SYNE1: variants seen among roughly 807,000 people sequenced by gnomAD.
The protein encoded by SYNE1 is spectrin repeat containing nuclear envelope protein 1.
Under a neutral mutation model 1,111.0 loss-of-function variants are expected in SYNE1, and 616 were observed. The observed-to-expected ratio is 0.55, with a 90% CI of 0.52 to 0.59. The LOEUF (loss-of-function observed/expected upper bound fraction) is 0.59. Among genes scored for constraint, SYNE1 ranks in the 20% least tolerant of loss-of-function variants. The probability of loss-of-function intolerance (pLI) is 0.00; values close to 1 mark genes in which losing one functional copy is unlikely to be tolerated. For synonymous variants in SYNE1, 3,855 were observed against 3,825.8 expected, an observed-to-expected ratio of 1.01 and a Z score of -0.28; for missense variants, 10,006 against 10,417.0, an observed-to-expected ratio of 0.96 and a Z score of 1.72.
intron 3 of SYNE1, among the ~76,000 whole-genome samples, chr6:152,583,371 T>C (rs1190885515): frequency 2.0e-5 from 3 of 152,130 alleles, no homozygotes; most frequent in Non-Finnish European, 2.9e-5. Flanking sequence ...CAGTGACATC[T>C]CTATCATTAC....
At chr6:152,626,461 A>G (rs1727053) in intron 3 of SYNE1, among the ~76,000 whole-genome samples, 104,344 of 151,962 alleles carry the variant, frequency 0.69, 35,960 homozygotes, top group African/African-American at 0.71. Context: ...ACAAACAGCC[A>G]AGACAAACAT....
chr6:152,166,736 T>G (rs1320949416), intron 130 of SYNE1, among the ~76,000 whole-genome samples: 1 of 152,224 alleles, frequency 6.6e-6, no homozygotes, highest in Non-Finnish European at 1.5e-5. Context: ...GGTGAACATT[T>G]AAGCAGTTCT....
At chr6:152,377,630 AAAAAAAAAAAATATATATATATATAT>A (rs1209015718) in intron 56 of SYNE1, among the ~76,000 whole-genome samples, 4 of 97,564 alleles carry the variant, frequency 4.1e-5, no homozygotes, top group South Asian at 6.5e-4. Flanking sequence ...AAAAAAAAAA[AAAAAAAAAAAATATATATATATATAT>A]ATATATATAT....
intron 16 of SYNE1, among the ~76,000 whole-genome samples, chr6:152,466,715 C>T (rs1305853906): frequency 3.3e-5 from 5 of 151,678 alleles, no homozygotes; most frequent in East Asian, 1.9e-4. Flanking sequence ...TGAGAATAGA[C>T]AAAAAAGTTC....
intron 22 of SYNE1, among the ~76,000 whole-genome samples, chr6:152,458,429 T>C (rs1216520695): frequency 6.6e-6 from 1 of 152,188 alleles, no homozygotes; most frequent in Non-Finnish European, 1.5e-5. Flanking sequence ...TGTTGCTCCA[T>C]TGATAGAAAG....
At chr6:152,488,768 G>A in intron 11 of SYNE1, among the ~76,000 whole-genome samples, 1 of 150,470 alleles carries the variant, frequency 6.6e-6, no homozygotes, top group East Asian at 2.0e-4. Context: ...TAAAGAAAAT[G>A]TGACCAGGAG....
At chr6:152,527,237 C>T (rs2099167789) in intron 4 of SYNE1, among the ~76,000 whole-genome samples, 1 of 152,164 alleles carries the variant, frequency 6.6e-6, no homozygotes, top group South Asian at 2.1e-4. Flanking sequence ...TCTCTACCAA[C>T]TGATGTAGAG....
At chr6:152,396,730 C>T (rs773888435) in intron 50 of SYNE1, 45 bp downstream of exon 50, 2 of 1,559,250 alleles carry the variant, frequency 1.3e-6, no homozygotes, top group East Asian at 2.2e-5. Context: ...CCTTTAAAAA[C>T]ACACTTGGTG....
At chr6:152,137,855 G>A (rs112578997) in intron 140 of SYNE1, among the ~76,000 whole-genome samples, 4,912 of 152,248 alleles carry the variant, frequency 0.032, 92 homozygotes, top group Middle Eastern at 0.072. Context: ...GATTTATTCA[G>A]AGAAAATACA....
At chr6:152,357,149 T>C (rs1343291510) in intron 66 of SYNE1, among the ~76,000 whole-genome samples, 1 of 152,188 alleles carries the variant, frequency 6.6e-6, no homozygotes, top group Non-Finnish European at 1.5e-5. Flanking sequence ...AGACCGTATA[T>C]TTAAATAAGA....
chr6:152,414,570 C>T (rs2098123650), intron 41 of SYNE1, among the ~76,000 whole-genome samples: 1 of 151,264 alleles, frequency 6.6e-6, no homozygotes, highest in South Asian at 2.1e-4. Context: ...CCCCACCTTA[C>T]AAGAAGAGAA....
At chr6:152,254,425 AT>A (rs940634831) in intron 104 of SYNE1, among the ~76,000 whole-genome samples, 4 of 151,168 alleles carry the variant, frequency 2.6e-5, no homozygotes, top group Admixed American at 2.6e-4. Flanking sequence ...TAATTTTTGT[AT>A]TTTTAGTAGA....
At chr6:152,177,377 T>C (rs2066746682) in intron 129 of SYNE1, among the ~76,000 whole-genome samples, 1 of 152,218 alleles carries the variant, frequency 6.6e-6, no homozygotes, top group African/African-American at 2.4e-5. Context: ...CTTGCCACAG[T>C]GACAGGATCC....
At chr6:152,145,091 G>C in intron 137 of SYNE1, 1 of 305,270 alleles carries the variant, frequency 3.3e-6, no homozygotes, top group Non-Finnish European at 6.4e-6. Flanking sequence ...TGGCGGACTT[G>C]GGACCAGAGC....
intron 109 of SYNE1, among the ~76,000 whole-genome samples, chr6:152,236,522 G>A (rs1398923596): frequency 2.0e-5 from 3 of 151,206 alleles, no homozygotes; most frequent in African/African-American, 7.3e-5. Flanking sequence ...AATGACTTTA[G>A]GTGGATTTAA....
At chr6:152,444,696 C>T (rs920224796) in intron 29 of SYNE1, 118 bp from the exon 30 acceptor site, 15 of 877,536 alleles carry the variant, frequency 1.7e-5, no homozygotes, top group East Asian at 5.4e-5. Context: ...AGGTGTACTA[C>T]GTGACTGTGA....
chr6:152,231,134 T>G lies in SYNE1; in HGVS notation c.21039+257A>C, dbSNP rs374274957. Among the ~76,000 whole-genome samples, 8 of 152,254 alleles carry G rather than the reference T, an allele frequency of 5.3e-5. No individual in the cohort carries two copies. In the South Asian group the frequency reaches 8.3e-4, roughly 16 times the overall value. On this transcript the variant is annotated intron_variant, in intron 114 of 145. Coordinates refer to ENST00000367255, the MANE Select transcript of SYNE1 (RefSeq NM_182961.4). ...AAGCAAGAAAGGACTAAAGTCAACT[T>G]GAAGCAAAGGCAAAATAAATCAAGA...
At chr6:152,254,376 A>C (rs2090323913) in intron 104 of SYNE1, among the ~76,000 whole-genome samples, 1 of 146,758 alleles carries the variant, frequency 6.8e-6, no homozygotes, top group South Asian at 2.1e-4. Flanking sequence ...CTCAGCCTCC[A>C]AGTAGCTGGG....
intron 34 of SYNE1, 117 bp downstream of exon 34, chr6:152,433,678 A>T: frequency 2.5e-6 from 3 of 1,208,656 alleles, no homozygotes; most frequent in Non-Finnish European, 3.6e-6. Flanking sequence ...ATTTAATTTT[A>T]ATAGTCACAT....
Sources: gnomAD v4.1 joint callset for allele counts (sites outside exome capture counted in the v4.1 genomes callset) on GRCh38, gnomAD v4.1.1 for gene constraint, MANE v1.5 for transcripts, NCBI Gene and HGNC (gene_info 2026-07-23, HGNC 2026-07-21) for gene names.